HMCN1: variants seen among roughly 807,000 people sequenced by gnomAD.
HMCN1 encodes hemicentin 1.
In HMCN1, 321 loss-of-function variants were observed where a neutral mutation model predicts 625.9. The ratio of observed to expected loss-of-function variants is 0.51; its 90% CI spans 0.47 to 0.56. The LOEUF is 0.56. HMCN1 is among the 20% of genes least tolerant of loss of function. The pLI is 0.00. For synonymous variants in HMCN1, 2,425 were observed against 2,417.6 expected, an observed-to-expected ratio of 1.00 and a Z score of -0.09; for missense variants, 6,588 against 6,887.3, an observed-to-expected ratio of 0.96 and a Z score of 1.54.
At chr1:185,787,760 T>A (rs143366613) in intron 1 of HMCN1, among the ~76,000 whole-genome samples, 1 of 152,206 alleles carries the variant, frequency 6.6e-6, no homozygotes, top group Non-Finnish European at 1.5e-5. Context: ...GTTGTGTAAT[T>A]CTATGAGGCA....
At chr1:185,923,353 G>T in intron 7 of HMCN1, 37 bp from the exon 8 acceptor site, 1 of 1,527,572 alleles carries the variant, frequency 6.5e-7, no homozygotes, top group Non-Finnish European at 9.0e-7. Flanking sequence ...TCAATTGCTT[G>T]TTTCTTGTAA....
intron 15 of HMCN1, among the ~76,000 whole-genome samples, chr1:185,976,718 C>T (rs1303780581): frequency 6.6e-6 from 1 of 152,120 alleles, no homozygotes; most frequent in East Asian, 1.9e-4. Flanking sequence ...ACAATACCTA[C>T]CCCATAGAGA....
At chr1:186,095,881 C>T (rs1480342956) in intron 68 of HMCN1, among the ~76,000 whole-genome samples, 1 of 151,866 alleles carries the variant, frequency 6.6e-6, no homozygotes, top group African/African-American at 2.4e-5. Flanking sequence ...ATATGTTATC[C>T]CTGTCTTTAA....
At chr1:186,004,476 T>C (rs1179018626) in intron 29 of HMCN1, among the ~76,000 whole-genome samples, 2 of 152,074 alleles carry the variant, frequency 1.3e-5, no homozygotes, top group Non-Finnish European at 2.9e-5. Context: ...CACTAATAAA[T>C]ACAAACAGCA....
chr1:186,174,610 A>G lies in HMCN1; in HGVS notation c.15911A>G (p.Tyr5304Cys), dbSNP rs1366576966. Reference sequence around the variant, plus strand: ...TATCGTTGTGTATGCCCAAGAGGTTATCGGTCTCAAGGAGTTGGAAGACCC... The same window carrying G: ...TATCGTTGTGTATGCCCAAGAGGTTGTCGGTCTCAAGGAGTTGGAAGACCC... ...GSYRCVCPRG[Y>C]RSQGVGRPCM... Residue 5304 changes from tyrosine (Y) to cysteine (C), a missense_variant, in exon 103 of 107, where the codon TAT becomes TGT. By Grantham distance (194) the Tyr-to-Cys change is radical. Coordinates refer to ENST00000271588, the MANE Select transcript of HMCN1 (RefSeq NM_031935.3). 1.9e-6 allele frequency: 3 copies of G among 1,614,070 alleles called. No individual in the cohort carries two copies. Among genetic ancestry groups the G allele is most frequent in the South Asian group, 2.2e-5 (2 of 91,076 alleles).
At chr1:186,177,179 A>G (rs138057810) in intron 103 of HMCN1, 11,248 of 151,798 alleles carry the variant, frequency 0.074, 1,060 homozygotes, top group African/African-American at 0.22. Flanking sequence ...GGTGGCACAC[A>G]CCTGTAGTTC....
chr1:185,899,191 C>A (rs903629637), intron 4 of HMCN1, among the ~76,000 whole-genome samples: 10 of 152,046 alleles, frequency 6.6e-5, no homozygotes, highest in African/African-American at 2.4e-4. Flanking sequence ...GACACTGGGG[C>A]GATGTTCGCT....
At chr1:186,128,902 A>G (rs961513039) in intron 83 of HMCN1, among the ~76,000 whole-genome samples, 1 of 152,096 alleles carries the variant, frequency 6.6e-6, no homozygotes, top group Admixed American at 6.6e-5. Context: ...GTTCTGAAGT[A>G]TTACACTGTT....
At chr1:186,061,092 T>C (rs941886226) in intron 46 of HMCN1, among the ~76,000 whole-genome samples, 7 of 152,092 alleles carry the variant, frequency 4.6e-5, no homozygotes, top group African/African-American at 1.7e-4. Flanking sequence ...TCACACCTAC[T>C]TTCTACCTCT....
chr1:186,127,194 C>G (rs780715240), intron 82 of HMCN1, among the ~76,000 whole-genome samples: 6 of 151,890 alleles, frequency 4.0e-5, no homozygotes, highest in Admixed American at 3.3e-4. Flanking sequence ...TGGAAGGAAT[C>G]GGGAGGTCAG....
chr1:185,856,686 G>A (rs1662488863), intron 2 of HMCN1, among the ~76,000 whole-genome samples: 1 of 152,020 alleles, frequency 6.6e-6, no homozygotes, highest in Admixed American at 6.5e-5. Flanking sequence ...GGTAAATATT[G>A]TAATGCCAAT....
At chr1:185,900,840 T>C (rs759292711) in intron 4 of HMCN1, among the ~76,000 whole-genome samples, 9 of 151,868 alleles carry the variant, frequency 5.9e-5, no homozygotes, top group Non-Finnish European at 1.0e-4. Context: ...CCTTTTATTG[T>C]CCGAAGGGCC....
rs935511688 is a variant in HMCN1, at chr1:185,864,624, C to T, written c.494C>T (p.Ser165Leu). ...CTGCAACTTATCCAACAGAAACAGTCACAAGTGAGTAAGAATCAACCCCAA... is the reference window on the plus strand; with the variant it reads ...CTGCAACTTATCCAACAGAAACAGTTACAAGTGAGTAAGAATCAACCCCAA... ...EVLQLIQQKQ[S>L]QVVFVLTGDC... The change falls in exon 3 of 107, where the codon TCA becomes TTA. Residue 165 changes from serine to leucine, a missense_variant. Transcript: ENST00000271588. The T allele has an allele frequency of 2.5e-6, 4 of 1,613,892 alleles. No homozygotes were observed. The highest frequency in any genetic ancestry group is 3.4e-6 in the Non-Finnish European group (4 of 1,179,894).
chr1:185,735,571 T>C (rs1299865000), intron 1 of HMCN1, among the ~76,000 whole-genome samples: 1 of 152,148 alleles, frequency 6.6e-6, no homozygotes, highest in East Asian at 1.9e-4. Context: ...GAGAAACCAA[T>C]CATTTCTTAA....
intron 1 of HMCN1, among the ~76,000 whole-genome samples, chr1:185,826,007 A>C (rs1660488581): frequency 1.3e-5 from 2 of 152,298 alleles, no homozygotes; most frequent in South Asian, 4.1e-4. Flanking sequence ...AATTTATTTG[A>C]GTGGGGTTCA....
At chr1:185,941,756 C>A (rs1479143609) in intron 11 of HMCN1, among the ~76,000 whole-genome samples, 3 of 152,090 alleles carry the variant, frequency 2.0e-5, no homozygotes, top group Admixed American at 6.5e-5. Context: ...TCTAAGAAAT[C>A]TGTGTACTAT....
Position 186,065,791 on chromosome 1 carries a change from T to A in HMCN1, c.7705+362T>A, listed in dbSNP as rs138271211. Among the ~76,000 whole-genome samples the A allele has an allele frequency of 3.7e-3, 566 of 152,294 alleles. 4 individuals carry two copies. Among genetic ancestry groups the A allele is most frequent in the African/African-American group, 0.013 (539 of 41,576 alleles). ...GTGAGACTTAGCCATTATTGGAAAT[T>A]GGCCATATTATAGTCTTTGTGGACT... On this transcript the variant is annotated intron_variant, in intron 49 of 106. Transcript: ENST00000271588.
intron 1 of HMCN1, among the ~76,000 whole-genome samples, chr1:185,828,688 A>G (rs767414045): frequency 2.0e-5 from 3 of 152,130 alleles, no homozygotes; most frequent in Non-Finnish European, 4.4e-5. Flanking sequence ...ACTCATCACA[A>G]TGAAATAAAA....
Position 185,933,626 on chromosome 1 carries a change from A to G in HMCN1, c.1630A>G (p.Ile544Val). Residue 544 changes from isoleucine (I) to valine (V), a missense_variant, in exon 11 of 107, where the codon ATC becomes GTC. Around this residue, in one of 3 missense-constraint regions of HMCN1, gnomAD observed 4,628 missense variants for 4,853.1 expected, o/e 0.95. Coordinates refer to ENST00000271588, the MANE Select transcript of HMCN1 (RefSeq NM_031935.3). Reference protein sequence around the residue: ...GERAVLTCLIISAVDYNLTWQ... With the variant: ...GERAVLTCLIVSAVDYNLTWQ... The stretch of plus-strand genomic sequence containing the variant: ...GAGAGCAGTTTTAACATGTCTCATC[A>G]TCAGTGCGGTGGATTACAATCTAAC... 6.2e-7 allele frequency: 1 copy of G among 1,614,066 alleles called. No homozygotes were observed. Among genetic ancestry groups the G allele is most frequent in the Non-Finnish European group, 8.5e-7 (1 of 1,179,960 alleles).
Sources: gnomAD v4.1 joint callset for allele counts (sites outside exome capture counted in the v4.1 genomes callset) on GRCh38, gnomAD v4.1.1 for gene constraint, gnomAD v4.1.1 regional missense constraint, MANE v1.5 for transcripts, NCBI Gene and HGNC (gene_info 2026-07-23, HGNC 2026-07-21) for gene names.